Variants in BRIP1 observed in about 807,000 individuals in gnomAD.
BRIP1 encodes Fanconi anemia group J protein.
In BRIP1, 88 loss-of-function variants were observed where a neutral mutation model predicts 119.7. The observed-to-expected ratio is 0.74, with a 90% CI of 0.62 to 0.88. The LOEUF (loss-of-function observed/expected upper bound fraction) is 0.88. Ranked by LOEUF, BRIP1 falls within the 40% of genes least tolerant of loss-of-function variation. BRIP1 has a pLI of 0.00. For missense variants in BRIP1, 1,259 were observed against 1,455.4 expected, an observed-to-expected ratio of 0.87 and a Z score of 2.20; for synonymous variants, 443 against 496.5, an observed-to-expected ratio of 0.89 and a Z score of 1.43.
rs1441375466 is a variant in BRIP1, at chr17:61,816,954, T to TATTAGGGAA, written c.628-8206_628-8198dup. Among the ~76,000 whole-genome samples the TATTAGGGAA allele has an allele frequency of 6.6e-6, 1 of 152,184 alleles. No homozygotes were observed. Among genetic ancestry groups the TATTAGGGAA allele is most frequent in the African/African-American group, 2.4e-5 (1 of 41,454 alleles). On this transcript the variant is annotated intron_variant, in intron 6 of 19. Coordinates refer to ENST00000259008, the MANE Select transcript of BRIP1 (RefSeq NM_032043.3). The surrounding 1 kb of genome is among the most constrained non-coding windows in gnomAD (Gnocchi z 5.0). ...ATGCTGAAATCTTTCAGTGAAAAGT[T>TATTAGGGAA]ATTAGGGAACAGAATATTGACAAAG... is the stretch of plus-strand genomic sequence containing the variant.
intron 10 of BRIP1, among the ~76,000 whole-genome samples, chr17:61,790,869 C>T (rs1432465329): frequency 1.3e-5 from 2 of 151,990 alleles, no homozygotes; most frequent in Non-Finnish European, 2.9e-5. Flanking sequence ...TCAAGCAATC[C>T]GCCAGCCTCA....
rs1201070664 is a variant in BRIP1, at chr17:61,738,406, T to A, written c.2379+4607A>T. Among the ~76,000 whole-genome samples, 1 of 152,184 alleles carries A rather than the reference T, an allele frequency of 6.6e-6. No individual in the cohort carries two copies. The highest frequency in any genetic ancestry group is 1.5e-5 in the Non-Finnish European group (1 of 68,030). ...GAACTATTCTTGTGTCCACTCTACT[T>A]GTACCTTTTGGGAACCACTAGGGAT... On this transcript the variant is annotated intron_variant, in intron 16 of 19. Coordinates refer to ENST00000259008, the MANE Select transcript of BRIP1 (RefSeq NM_032043.3). The surrounding 1 kb of genome is among the most constrained non-coding windows in gnomAD (Gnocchi z 4.2).
chr17:61,712,767 G>A (rs992119822), intron 17 of BRIP1, among the ~76,000 whole-genome samples: 1 of 151,984 alleles, frequency 6.6e-6, no homozygotes, highest in African/African-American at 2.4e-5. Context: ...AGCCAGGCGT[G>A]GTGGTGCGAG....
rs2145298041 is a variant in BRIP1 at position 61,799,071 on chromosome 17, C to G, written c.1340+29G>C. The stretch of plus-strand genomic sequence containing the variant: ...ACATATTTTTCATATAAAGGCAGCA[C>G]AAATACACTAATAGACAAATCTTCT... On this transcript the variant is annotated intron_variant, in intron 9 of 19. Coordinates refer to ENST00000259008, the MANE Select transcript of BRIP1 (RefSeq NM_032043.3). This position sits in a 1 kb window ranked among gnomAD's most constrained non-coding sequence, Gnocchi z 5.1. 1 of 1,590,998 alleles carries G rather than the reference C, an allele frequency of 6.3e-7. No individual in the cohort carries two copies. The highest frequency in any genetic ancestry group is 8.6e-7 in the Non-Finnish European group (1 of 1,159,382).
rs974375473 is a variant in BRIP1 at position 61,740,785 on chromosome 17, A to C, written c.2379+2228T>G. Among the ~76,000 whole-genome samples the C allele has an allele frequency of 6.6e-6, 1 of 152,222 alleles. No individual in the cohort carries two copies. Among genetic ancestry groups the C allele is most frequent in the Non-Finnish European group, 1.5e-5 (1 of 68,042 alleles). On this transcript the variant is annotated intron_variant, in intron 16 of 19. Coordinates refer to ENST00000259008, the MANE Select transcript of BRIP1 (RefSeq NM_032043.3). This position sits in a 1 kb window ranked among gnomAD's most constrained non-coding sequence, Gnocchi z 5.4. ...AATATTTTATTGCTAAAAAAGGTGA[A>C]TGATCATCTGAGCCTTCAGTGAGTC...
Position 61,846,588 on chromosome 17 carries a change from T to C in BRIP1, c.627+513A>G, listed in dbSNP as rs2078735953. Among the ~76,000 whole-genome samples, 2 of 152,164 alleles carry C rather than the reference T, an allele frequency of 1.3e-5. No individual in the cohort carries two copies. The highest frequency in any genetic ancestry group is 2.4e-5 in the African/African-American group (1 of 41,440). The stretch of plus-strand genomic sequence containing the variant: ...TTTTTGTAGAATCAGGGTTTCGCCA[T>C]GTTGCCCAGGCTGGTTTCAAACTCG... On this transcript the variant is annotated intron_variant, in intron 6 of 19. Transcript: ENST00000259008. The surrounding 1 kb of genome is among the most constrained non-coding windows in gnomAD (Gnocchi z 4.3).
At position 61,713,796 on chromosome 17, in the gene BRIP1, C is replaced by T. The variant is rs1267580511; in HGVS notation, c.2492+2155G>A. Among the ~76,000 whole-genome samples, 5 of 151,954 alleles carry T rather than the reference C, an allele frequency of 3.3e-5. No individual in the cohort carries two copies. Among genetic ancestry groups the T allele is most frequent in the Non-Finnish European group, 5.9e-5 (4 of 67,996 alleles). On this transcript the variant is annotated intron_variant, in intron 17 of 19. Transcript: ENST00000259008. This position sits in a 1 kb window ranked among gnomAD's most constrained non-coding sequence, Gnocchi z 4.9. ...CTTGGCCTCCCAAAGTGCTGGATTA[C>T]AGGCTTCAGCTATTGCGCTCCCCAT...
Position 61,778,798 on chromosome 17 carries a change from A to G in BRIP1, c.1935+1463T>C, listed in dbSNP as rs2077572390. ...AACACTCTGGCATTTGGAAAGCACA[A>G]TTCTTAGTTACATAGGAGTAGCATT... On this transcript the variant is annotated intron_variant, in intron 13 of 19. Coordinates refer to ENST00000259008, the MANE Select transcript of BRIP1 (RefSeq NM_032043.3). This position sits in a 1 kb window ranked among gnomAD's most constrained non-coding sequence, Gnocchi z 4.4. Among the ~76,000 whole-genome samples the G allele has an allele frequency of 6.6e-6, 1 of 152,210 alleles. No individual in the cohort carries two copies. Among genetic ancestry groups the G allele is most frequent in the African/African-American group, 2.4e-5 (1 of 41,454 alleles).
In BRIP1 at chr17:61,683,774, T is replaced by C. The variant is rs776129117; in HGVS notation, c.3272A>G (p.His1091Arg). The change falls in exon 20 of 20, where the codon CAT (histidine) becomes CGT (arginine). Residue 1091 changes from histidine to arginine, a missense_variant. Transcript: ENST00000259008. The surrounding 1 kb of genome is among the most constrained non-coding windows in gnomAD (Gnocchi z 4.7). ...CAGGGCTTCTTCAGAACAGAGCGGA[T>C]GTTCAGAATGATTTTTTCTAGTAAG... ...ATLTRKNHSE[H>R]PLCSEEALDP... The C allele has an allele frequency of 6.2e-7, 1 of 1,614,090 alleles. No homozygotes were observed. The highest frequency in any genetic ancestry group is 1.3e-5 in the African/African-American group (1 of 74,934).
At position 61,790,741 on chromosome 17, in the gene BRIP1, G is replaced by A. The variant is rs148483057; in HGVS notation, c.1473+2856C>T. On this transcript the variant is annotated intron_variant, in intron 10 of 19. Coordinates refer to ENST00000259008, the MANE Select transcript of BRIP1 (RefSeq NM_032043.3). ...TGTAGCCTCAACCTCCTGGGTTCAG[G>A]TGATCCTCCTGCCTCAGCCTCCCAA... Among the ~76,000 whole-genome samples the A allele has an allele frequency of 2.4e-3, 361 of 151,908 alleles. 1 individual carries two copies. The highest frequency in any genetic ancestry group is 0.017 in the Middle Eastern group (5 of 294).
chr17:61,714,946 TC>T (rs1403964158), intron 17 of BRIP1, among the ~76,000 whole-genome samples: 4 of 151,448 alleles, frequency 2.6e-5, no homozygotes, highest in Non-Finnish European at 4.4e-5. Flanking sequence ...ACATCTGTAA[TC>T]CCAGCACTTT....
rs1373033399 is a variant in BRIP1, at chr17:61,680,296, G to C, written c.*3000C>G. Among the ~76,000 whole-genome samples the C allele has an allele frequency of 2.0e-5, 3 of 151,806 alleles. No individual in the cohort carries two copies. The highest frequency in any genetic ancestry group is 2.9e-5 in the Non-Finnish European group (2 of 67,972). ...TAACCTGCGAGGCAGAGGTTGCAGT[G>C]AGCCAAGATCGTGCCTTTGCACTCC... On this transcript the variant is annotated 3_prime_UTR_variant, in exon 20 of 20. Coordinates refer to ENST00000259008, the MANE Select transcript of BRIP1 (RefSeq NM_032043.3).
At chr17:61,697,005 G>GAAAAAA (rs1567740818) in intron 17 of BRIP1, among the ~76,000 whole-genome samples, 28 of 114,204 alleles carry the variant, frequency 2.5e-4, no homozygotes, top group Admixed American at 1.2e-4. Flanking sequence ...AAAAAAAAAG[G>GAAAAAA]GGGGGGGAAG....
intron 14 of BRIP1, among the ~76,000 whole-genome samples, chr17:61,773,685 ATC>A (rs1443272440): frequency 6.6e-6 from 1 of 152,166 alleles, no homozygotes; most frequent in African/African-American, 2.4e-5. Flanking sequence ...CGATCTACCC[ATC>A]TGACAAAGGG....
At chr17:61,694,799 G>C (rs897354610) in intron 17 of BRIP1, among the ~76,000 whole-genome samples, 2 of 151,116 alleles carry the variant, frequency 1.3e-5, no homozygotes, top group African/African-American at 4.9e-5. Context: ...CATTTTTTAC[G>C]TGCTTACTGG....
At chr17:61,723,969 T>G (rs964338129) in intron 16 of BRIP1, among the ~76,000 whole-genome samples, 2 of 152,160 alleles carry the variant, frequency 1.3e-5, no homozygotes, top group African/African-American at 4.8e-5. Context: ...AAATAACCTG[T>G]TTAATTCATG....
rs768697625 is a variant in BRIP1 at position 61,751,751 on chromosome 17, C to T, written c.2098-7160G>A. Among the ~76,000 whole-genome samples, 30 of 151,230 alleles carry T rather than the reference C, an allele frequency of 2.0e-4. No individual in the cohort carries two copies. Among genetic ancestry groups the T allele is most frequent in the Non-Finnish European group, 2.2e-4 (15 of 67,828 alleles). On this transcript the variant is annotated intron_variant, in intron 14 of 19. Transcript: ENST00000259008. This position sits in a 1 kb window ranked among gnomAD's most constrained non-coding sequence, Gnocchi z 6.7. Reference sequence around the variant, plus strand: ...TAATACCTTTAGCTTTAGGGGGATACAATTGGGAAGGAACAAATGGAGGAT... The same window carrying T: ...TAATACCTTTAGCTTTAGGGGGATATAATTGGGAAGGAACAAATGGAGGAT...
intron 6 of BRIP1, among the ~76,000 whole-genome samples, chr17:61,811,380 C>T (rs967886573): frequency 4.6e-5 from 7 of 151,704 alleles, no homozygotes; most frequent in South Asian, 2.1e-4. Flanking sequence ...TCCACCACCA[C>T]GCCTGGCTAA....
At position 61,799,092 on chromosome 17, in the gene BRIP1, C is replaced by A. The variant is rs2145298781; in HGVS notation, c.1340+8G>T. 6 of 1,608,210 alleles carry A rather than the reference C, an allele frequency of 3.7e-6. No individual in the cohort carries two copies. The highest frequency in any genetic ancestry group is 5.1e-6 in the Non-Finnish European group (6 of 1,174,862). On this transcript the variant is annotated splice_region_variant and intron_variant, in intron 9 of 19. Coordinates refer to ENST00000259008, the MANE Select transcript of BRIP1 (RefSeq NM_032043.3). The surrounding 1 kb of genome is among the most constrained non-coding windows in gnomAD (Gnocchi z 5.1). ...AGCACAAATACACTAATAGACAAAT[C>A]TTCTTACTTAATGAGGCTACAGCAC...
Sources: gnomAD v4.1 joint callset for allele counts (sites outside exome capture counted in the v4.1 genomes callset) on GRCh38, gnomAD v4.1.1 for gene constraint, Gnocchi (gnomAD v3.1) non-coding constraint, MANE v1.5 for transcripts, NCBI Gene and HGNC (gene_info 2026-07-23, HGNC 2026-07-21) for gene names.